Variants in GPC6 observed in about 807,000 individuals in gnomAD.
The protein encoded by GPC6 is glypican-6.
In GPC6, 14 loss-of-function variants were observed where a neutral mutation model predicts 55.2. The observed-to-expected ratio is 0.25, with a 90% CI of 0.17 to 0.40. GPC6 has a LOEUF of 0.40. GPC6 is among the 10% of genes least tolerant of loss of function. The pLI, the probability that GPC6 is intolerant of heterozygous loss-of-function variation, is 1.00. For synonymous variants in GPC6, 278 were observed against 259.6 expected, an observed-to-expected ratio of 1.07 and a Z score of -0.68; for missense variants, 641 against 708.5, an observed-to-expected ratio of 0.90 and a Z score of 1.08.
chr13:93,287,202 G>T (rs1362360066), intron 1 of GPC6, among the ~76,000 whole-genome samples: 1 of 152,010 alleles, frequency 6.6e-6, no homozygotes. Context: ...TTCAGATAAG[G>T]GGTGTTCAAT....
chr13:93,834,367 A>G (rs1233497493), intron 3 of GPC6, among the ~76,000 whole-genome samples: 3 of 152,226 alleles, frequency 2.0e-5, no homozygotes, highest in African/African-American at 4.8e-5. Flanking sequence ...ATACATTTTT[A>G]TGAAGTTCAA....
intron 7 of GPC6, among the ~76,000 whole-genome samples, chr13:94,393,085 A>G (rs2139221058): frequency 6.6e-6 from 1 of 152,268 alleles, no homozygotes. Context: ...GAAGTTTAAA[A>G]CTTAGATTTT....
intron 1 of GPC6, among the ~76,000 whole-genome samples, chr13:93,295,194 G>A (rs1397692896): frequency 5.4e-5 from 8 of 148,960 alleles, no homozygotes; most frequent in Non-Finnish European, 7.4e-5. Context: ...AGGAGGCTGA[G>A]GCTGAAGATC....
rs559081092 is a variant in GPC6 at position 94,160,084 on chromosome 13, C to G, written c.878-126265C>G. Among the ~76,000 whole-genome samples the G allele has an allele frequency of 2.0e-5, 3 of 152,144 alleles. No individual in the cohort carries two copies. The South Asian group carries it at 6.2e-4, about 32-fold the overall frequency. ...CAGTTTCTTATAGCCAATCATGGTCCGAAAATATTCCATACGATAAGATAT... is the reference window on the plus strand; with the variant it reads ...CAGTTTCTTATAGCCAATCATGGTCGGAAAATATTCCATACGATAAGATAT... On this transcript the variant is annotated intron_variant, in intron 4 of 8. Coordinates refer to ENST00000377047, the MANE Select transcript of GPC6 (RefSeq NM_005708.5).
At chr13:94,197,191 G>C (rs992860561) in intron 4 of GPC6, among the ~76,000 whole-genome samples, 1 of 152,090 alleles carries the variant, frequency 6.6e-6, no homozygotes, top group Admixed American at 6.6e-5. Context: ...TGTCATCTCT[G>C]AGAAACTCTA....
chr13:93,684,944 A>AT (rs1881994229), intron 2 of GPC6, among the ~76,000 whole-genome samples: 1 of 152,176 alleles, frequency 6.6e-6, no homozygotes, highest in Admixed American at 6.6e-5. Flanking sequence ...TAAAATGATG[A>AT]CAAAGGCTTT....
intron 1 of GPC6, among the ~76,000 whole-genome samples, chr13:93,461,666 G>C (rs1226360080): frequency 7.6e-6 from 1 of 131,890 alleles, no homozygotes; most frequent in Non-Finnish European, 1.7e-5. Context: ...GTCCCGGCGG[G>C]GGGGTTGGGG....
intron 2 of GPC6, among the ~76,000 whole-genome samples, chr13:93,716,942 C>T (rs934453402): frequency 6.6e-6 from 1 of 151,572 alleles, no homozygotes; most frequent in Non-Finnish European, 1.5e-5. Context: ...CATTATGTTA[C>T]AATTGACTAC....
intron 1 of GPC6, among the ~76,000 whole-genome samples, chr13:93,323,888 C>T (rs78472126): frequency 0.028 from 4,265 of 152,046 alleles, 75 homozygotes; most frequent in South Asian, 0.046. Flanking sequence ...TGGGTGATTC[C>T]GCAAAAAACT....
At chr13:93,343,560 G>A (rs573954701) in intron 1 of GPC6, among the ~76,000 whole-genome samples, 2 of 152,198 alleles carry the variant, frequency 1.3e-5, no homozygotes, top group East Asian at 3.9e-4. Flanking sequence ...TTCCTTTCTT[G>A]CATTTATTTC....
chr13:94,265,302 G>A (rs185301674), intron 4 of GPC6, among the ~76,000 whole-genome samples: 1 of 152,308 alleles, frequency 6.6e-6, no homozygotes, highest in East Asian at 1.9e-4. Flanking sequence ...TGCAAGCTGA[G>A]GAGCAAAGAA....
the GPC6 span, among the ~76,000 whole-genome samples, chr13:93,217,075 A>G: frequency 1.3e-5 from 2 of 152,338 alleles, no homozygotes; most frequent in South Asian, 4.1e-4. Context: ...TCTTCTTGCC[A>G]AAGTCCAAAG....
intron 1 of GPC6, among the ~76,000 whole-genome samples, chr13:93,491,859 T>A (rs1880022964): frequency 9.4e-6 from 1 of 106,210 alleles, no homozygotes; most frequent in Non-Finnish European, 2.0e-5. Context: ...CTGAGGGCTC[T>A]GTTCTGCTCC....
rs140984477 is a variant in GPC6 at position 93,579,545 on chromosome 13, G to T, written c.319+34124G>T. 4.3e-3 allele frequency among the ~76,000 whole-genome samples: 655 copies of T among 151,846 alleles called. 3 individuals are homozygous for T. The highest frequency in any genetic ancestry group is 0.02 in the Middle Eastern group (6 of 294). On this transcript the variant is annotated intron_variant, in intron 2 of 8. Coordinates refer to ENST00000377047, the MANE Select transcript of GPC6 (RefSeq NM_005708.5). ...TATGTGTGTGAACTATGAGAGGAGG[G>T]TTAATTCTTCTTCATTTTATAAAGT...
At chr13:93,592,657 G>T (rs1877547487) in intron 2 of GPC6, among the ~76,000 whole-genome samples, 1 of 151,572 alleles carries the variant, frequency 6.6e-6, no homozygotes, top group Non-Finnish European at 1.5e-5. Flanking sequence ...TTTTCTCATG[G>T]AGAATTTTAC....
At chr13:93,413,970 A>G (rs901946961) in intron 1 of GPC6, among the ~76,000 whole-genome samples, 5 of 152,188 alleles carry the variant, frequency 3.3e-5, no homozygotes, top group African/African-American at 1.2e-4. Context: ...TTCTTGTGAC[A>G]CAATTGCTGA....
At position 93,545,496 on chromosome 13, in the gene GPC6, T is replaced by C. The variant is rs1237272419; in HGVS notation, c.319+75T>C. ...GAGAATCTTGGTATCATATGAAAAA[T>C]ATTTTTTTAAAAAGGGAGCTTTTCT... On this transcript the variant is annotated intron_variant, in intron 2 of 8. Coordinates refer to ENST00000377047, the MANE Select transcript of GPC6 (RefSeq NM_005708.5). 7 of 1,280,758 alleles carry C rather than the reference T, an allele frequency of 5.5e-6. No homozygotes were observed. The South Asian group carries it at 8.3e-5, about 15-fold the overall frequency. 79.3% of individuals were successfully genotyped at this position (1,280,758 alleles called of 1,614,324 possible).
At chr13:93,231,376 T>C (rs1280285930) in intron 1 of GPC6, among the ~76,000 whole-genome samples, 4 of 17,544 alleles carry the variant, frequency 2.3e-4, no homozygotes, top group South Asian at 1.8e-3. Context: ...TATATATATA[T>C]ATACATATAT....
rs146326677 is a variant in GPC6, at chr13:94,276,175, T to A, written c.878-10174T>A. The stretch of plus-strand genomic sequence containing the variant: ...AATAGCAGAAAACCCTAGGACATGT[T>A]GAGTAGTGAGAAATGAATGAGAAGC... On this transcript the variant is annotated intron_variant, in intron 4 of 8. Coordinates refer to ENST00000377047, the MANE Select transcript of GPC6 (RefSeq NM_005708.5). 2.6e-5 allele frequency among the ~76,000 whole-genome samples: 4 copies of A among 152,308 alleles called. No homozygotes were observed. The East Asian group carries it at 7.7e-4, about 29-fold the overall frequency.
Sources: allele counts gnomAD v4.1 joint callset (sites outside exome capture counted in the v4.1 genomes callset), GRCh38; gene constraint gnomAD v4.1.1; transcripts MANE v1.5; gene names NCBI Gene and HGNC (gene_info 2026-07-23, HGNC 2026-07-21).